Variants in WDR20 observed in about 807,000 individuals in gnomAD.
The protein encoded by WDR20 is WD repeat-containing protein 20.
A neutral mutation model predicts 38.7 loss-of-function variants in WDR20; 3 were observed. The ratio of observed to expected loss-of-function variants is 0.08; its 90% CI spans 0.04 to 0.20. The LOEUF is 0.20. WDR20 is among the 10% of genes least tolerant of loss of function. The pLI is 1.00. For missense variants in WDR20, 559 were observed against 727.7 expected, an observed-to-expected ratio of 0.77 and a Z score of 2.67; for synonymous variants, 298 against 285.6, an observed-to-expected ratio of 1.04 and a Z score of -0.44.
Position 102,209,355 on chromosome 14 carries a change from A to G in WDR20, c.1185A>G (p.Ser395=). The G allele has an allele frequency of 6.2e-7, 1 of 1,614,040 alleles. No individual in the cohort carries two copies. The highest frequency in any genetic ancestry group is 8.5e-7 in the Non-Finnish European group (1 of 1,179,988). ...EDILFPHQPL[S]RARTHTNVMN... ...TCCTTTTCCCTCACCAACCCCTCTC[A>G]AGAGCAAGGACACACACAAATGTCA... Residue 395 remains serine (S), a synonymous_variant, in exon 3 of 3, where the codon TCA becomes TCG. Coordinates refer to ENST00000342702, the MANE Select transcript of WDR20 (RefSeq NM_144574.4). The surrounding 1 kb of genome is among the most constrained non-coding windows in gnomAD (Gnocchi z 6.0).
At chr14:102,168,122 A>G (rs1242309842) in intron 1 of WDR20, among the ~76,000 whole-genome samples, 1 of 152,132 alleles carries the variant, frequency 6.6e-6, no homozygotes, top group Non-Finnish European at 1.5e-5. Flanking sequence ...CACTTCCCAT[A>G]CATCTCCCAT....
chr14:102,146,118 T>C (rs1229754438), intron 1 of WDR20, among the ~76,000 whole-genome samples: 1 of 151,866 alleles, frequency 6.6e-6, no homozygotes, highest in Non-Finnish European at 1.5e-5. Flanking sequence ...GCTGAAAACA[T>C]TGTGATTTCT....
intron 2 of WDR20, chr14:102,197,910 A>G (rs368892206): frequency 3.7e-5 from 25 of 668,814 alleles, no homozygotes; most frequent in African/African-American, 1.6e-4. Context: ...GACCTTGACT[A>G]CCTACCACAT....
rs553910135 is a variant in WDR20 at position 102,200,843 on chromosome 14, G to C, written c.432+5723G>C. Among the ~76,000 whole-genome samples the C allele has an allele frequency of 2.5e-4, 38 of 152,294 alleles. No individual in the cohort carries two copies. In the South Asian group the frequency reaches 7.3e-3, roughly 29 times the overall value. On this transcript the variant is annotated intron_variant, in intron 2 of 2. Coordinates refer to ENST00000342702, the MANE Select transcript of WDR20 (RefSeq NM_144574.4). ...GTCCCACGTCTCCTTGTGGCATTTAGATCCAGTCTTACTGAAGGGCATGCT... is the reference window on the plus strand; with the variant it reads ...GTCCCACGTCTCCTTGTGGCATTTACATCCAGTCTTACTGAAGGGCATGCT...
chr14:102,202,626 C>T (rs753521726), intron 2 of WDR20, among the ~76,000 whole-genome samples: 10 of 152,052 alleles, frequency 6.6e-5, no homozygotes, highest in Non-Finnish European at 1.3e-4. Context: ...GTGATCCGCC[C>T]GCCTTGGCCT....
intron 1 of WDR20, among the ~76,000 whole-genome samples, chr14:102,163,962 CGTAGTTAGCAA>C (rs1413262803): frequency 1.1e-4 from 17 of 152,102 alleles, no homozygotes; most frequent in Admixed American, 6.5e-5. Context: ...TCGGTGTACA[CGTAGTTAGCAA>C]GACTGAAGGC....
intron 1 of WDR20, among the ~76,000 whole-genome samples, chr14:102,142,341 C>T (rs1038715538): frequency 2.6e-5 from 4 of 152,112 alleles, no homozygotes; most frequent in Non-Finnish European, 4.4e-5. Flanking sequence ...CTTTTTATGA[C>T]TATTTTCTGA....
chr14:102,213,527 C>T (rs1364798105), downstream of WDR20: 6 of 985,264 alleles, frequency 6.1e-6, no homozygotes, highest in Non-Finnish European at 7.2e-6. Flanking sequence ...ATTCTTTTCT[C>T]AAAGGCGTTC....
chr14:102,190,556 G>T (rs1219428783), intron 1 of WDR20, among the ~76,000 whole-genome samples: 1 of 152,018 alleles, frequency 6.6e-6, no homozygotes, highest in African/African-American at 2.4e-5. Flanking sequence ...TCACACCATT[G>T]CACTCCAGCC....
downstream of WDR20, chr14:102,210,568 T>C (rs997795596): frequency 2.2e-5 from 22 of 984,796 alleles, no homozygotes; most frequent in Non-Finnish European, 2.5e-5. Flanking sequence ...TGTACTAAGA[T>C]ACCCGTACCT....
intron 2 of WDR20, among the ~76,000 whole-genome samples, chr14:102,199,614 GCACACACCTT>G (rs1296170184): frequency 6.6e-6 from 1 of 152,094 alleles, no homozygotes; most frequent in Non-Finnish European, 1.5e-5. Flanking sequence ...TACCACACGT[GCACACACCTT>G]CACACACCGA....
chr14:102,190,200 T>A (rs2152925291), intron 1 of WDR20, among the ~76,000 whole-genome samples: 1 of 152,272 alleles, frequency 6.6e-6, no homozygotes, highest in Admixed American at 6.5e-5. Flanking sequence ...GTACCAGCTT[T>A]GAGGGGTGAC....
At chr14:102,151,171 GA>G (rs2055657927) in intron 1 of WDR20, among the ~76,000 whole-genome samples, 1 of 143,522 alleles carries the variant, frequency 7.0e-6, no homozygotes, top group African/African-American at 2.8e-5. Flanking sequence ...ATCCATTGGG[GA>G]ATTTTTTTTT....
chr14:102,165,013 G>A (rs527671389), intron 1 of WDR20, among the ~76,000 whole-genome samples: 12 of 152,324 alleles, frequency 7.9e-5, no homozygotes, highest in East Asian at 3.9e-4. Flanking sequence ...GCAGAGTTCC[G>A]TCTCTGCCAC....
rs866088419 is a variant in WDR20 at position 102,220,977 on chromosome 14, G to A, written c.1693-1853G>A. 7.9e-5 allele frequency among the ~76,000 whole-genome samples: 12 copies of A among 152,186 alleles called. No individual in the cohort carries two copies. The highest frequency in any genetic ancestry group is 3.4e-3 in the Middle Eastern group (1 of 294). On this transcript the variant is annotated intron_variant, in intron 3 of 3. Coordinates refer to the WDR20 transcript ENST00000335263. The surrounding 1 kb of genome is among the most constrained non-coding windows in gnomAD (Gnocchi z 4.2). ...AGATGGAGTTTCACCATGTTGGCCA[G>A]GCTGGTCTCAGACTCCTGGGCTCAA...
intron 2 of WDR20, among the ~76,000 whole-genome samples, chr14:102,200,467 T>TTTTTGTGTGTGTGTGTGTGTGTG (rs748066838): frequency 9.3e-5 from 11 of 117,772 alleles, no homozygotes; most frequent in African/African-American, 3.4e-4. Context: ...ATTTTTTTTT[T>TTTTTGTGTGTGTGTGTGTGTGTG]TGTGTGTGTG....
chr14:102,159,091 C>T (rs1344309878), intron 1 of WDR20, among the ~76,000 whole-genome samples: 1 of 151,962 alleles, frequency 6.6e-6, no homozygotes, highest in Non-Finnish European at 1.5e-5. Flanking sequence ...TAAAAGGGTG[C>T]ACCACCACAC....
intron 1 of WDR20, among the ~76,000 whole-genome samples, chr14:102,145,530 G>A (rs114411802): frequency 0.017 from 2,608 of 152,276 alleles, 51 homozygotes; most frequent in South Asian, 0.097. Flanking sequence ...GGCCAAGGCG[G>A]GAGGATTGCA....
chr14:102,213,951 C>T (rs148486012), downstream of WDR20: 9 of 985,406 alleles, frequency 9.1e-6, no homozygotes, highest in East Asian at 1.1e-4. Flanking sequence ...TTCTGGGGAA[C>T]GATTCATGGA....
Sources: gnomAD v4.1 joint callset for allele counts (sites outside exome capture counted in the v4.1 genomes callset) on GRCh38, gnomAD v4.1.1 for gene constraint, Gnocchi (gnomAD v3.1) non-coding constraint, MANE v1.5 for transcripts, NCBI Gene and HGNC (gene_info 2026-07-23, HGNC 2026-07-21) for gene names.